GMCL1: variants seen among roughly 807,000 people sequenced by gnomAD.
The protein encoded by GMCL1 is germ cell-less 1, spermatogenesis associated.
GMCL1 carries 54 observed loss-of-function variants against 75.5 expected under a neutral mutation model. The ratio of observed to expected loss-of-function variants is 0.71; its 90% CI spans 0.57 to 0.90. The LOEUF (loss-of-function observed/expected upper bound fraction) is 0.90, where lower values mean the gene tolerates loss of function less well. Ranked by LOEUF, GMCL1 falls within the 40% of genes least tolerant of loss-of-function variation. The probability of loss-of-function intolerance (pLI) is 0.00; values close to 1 mark genes in which losing one functional copy is unlikely to be tolerated. For missense variants in GMCL1, 537 were observed against 622.7 expected (o/e 0.86, Z 1.47); for synonymous variants, 210 against 209.6 (o/e 1.00, Z -0.02).
chr2:69,862,286 AT>A (rs1675677083), intron 10 of GMCL1, among the ~76,000 whole-genome samples: 1 of 152,112 alleles, frequency 6.6e-6, no homozygotes, highest in African/African-American at 2.4e-5. Context: ...ATACTAAATA[AT>A]TTTTTTAAAT....
rs78327691 is a variant in GMCL1, at chr2:69,858,284, G to T, written c.1073-2994G>T. On this transcript the variant is annotated intron_variant, in intron 9 of 13. Transcript: ENST00000282570. ...TCTGCCTCGGTCTCCCAAAATGCTG[G>T]AATTACAGGCATGAGTCACTGTACC... 3.2e-3 allele frequency among the ~76,000 whole-genome samples: 484 copies of T among 152,256 alleles called. 19 individuals are homozygous for T. The East Asian group carries it at 0.074, about 23-fold the overall frequency.
At chr2:69,878,753 T>G (rs908637692) in intron 13 of GMCL1, among the ~76,000 whole-genome samples, 156 bp from the exon 14 acceptor site, 7 of 152,188 alleles carry the variant, frequency 4.6e-5, no homozygotes, top group African/African-American at 1.7e-4. Context: ...AAGCTGCATT[T>G]GACAAGGTCA....
chr2:69,851,436 C>G (rs1480699939), intron 8 of GMCL1, among the ~76,000 whole-genome samples: 1 of 152,102 alleles, frequency 6.6e-6, no homozygotes, highest in African/African-American at 2.4e-5. Context: ...ATGGTGAAAC[C>G]CTGTCTCTAC....
chr2:69,872,649 G>T (rs1197574910), intron 13 of GMCL1, among the ~76,000 whole-genome samples: 3 of 152,136 alleles, frequency 2.0e-5, no homozygotes, highest in Non-Finnish European at 2.9e-5. Flanking sequence ...TACAGAGGGG[G>T]TCATCCACCC....
At chr2:69,877,708 G>T (rs916949636) in intron 13 of GMCL1, among the ~76,000 whole-genome samples, 6 of 18,838 alleles carry the variant, frequency 3.2e-4, no homozygotes, top group Non-Finnish European at 1.2e-3. Context: ...TTGTGTGTTT[G>T]TGTGTGTGTG....
chr2:69,856,668 T>G (rs894296696), intron 9 of GMCL1, among the ~76,000 whole-genome samples: 5 of 109,878 alleles, frequency 4.6e-5, no homozygotes, highest in African/African-American at 1.7e-4. Context: ...TTTTTTTTTT[T>G]AACTTCCAGA....
At chr2:69,855,396 T>TGA (rs1675441904) in intron 9 of GMCL1, among the ~76,000 whole-genome samples, 1 of 151,940 alleles carries the variant, frequency 6.6e-6, no homozygotes, top group African/African-American at 2.4e-5. Context: ...TAATTATAAT[T>TGA]TAAATTTTTT....
At chr2:69,866,332 C>T (rs1465494893) in intron 11 of GMCL1, among the ~76,000 whole-genome samples, 1 of 151,240 alleles carries the variant, frequency 6.6e-6, no homozygotes, top group East Asian at 1.9e-4. Context: ...TTTAAATATT[C>T]CCCCCTAACT....
At chr2:69,844,100 A>G (rs774139456) in intron 5 of GMCL1, 31 bp from the exon 6 acceptor site, 14 of 1,083,606 alleles carry the variant, frequency 1.3e-5, no homozygotes, top group Non-Finnish European at 1.9e-5. Flanking sequence ...TACATGGCAT[A>G]TAATGTAATA....
intron 3 of GMCL1, 106 bp downstream of exon 3, chr2:69,839,659 CT>C: frequency 3.0e-6 from 2 of 656,742 alleles, no homozygotes; most frequent in Non-Finnish European, 5.4e-6. Flanking sequence ...TAGAAAACTC[CT>C]TTTATCACCT....
intron 13 of GMCL1, chr2:69,873,502 C>T (rs1361630591): frequency 6.6e-6 from 1 of 151,804 alleles, no homozygotes; most frequent in Non-Finnish European, 1.5e-5. Context: ...ATTTTGTAAC[C>T]TGCTTTTTTT....
At chr2:69,865,196 A>G (rs1190070386) in intron 11 of GMCL1, among the ~76,000 whole-genome samples, 1 of 152,218 alleles carries the variant, frequency 6.6e-6, no homozygotes, top group Admixed American at 6.5e-5. Flanking sequence ...TTTTGAGTTC[A>G]GATAAGACAT....
At chr2:69,839,652 A>G (rs542569945) in intron 3 of GMCL1, 99 bp downstream of exon 3, 8 of 754,868 alleles carry the variant, frequency 1.1e-5, no homozygotes, top group African/African-American at 1.7e-5. Context: ...TGTAGTCTAG[A>G]AAACTCCTTT....
intron 9 of GMCL1, among the ~76,000 whole-genome samples, chr2:69,860,330 A>G (rs1009296274): frequency 6.6e-6 from 1 of 152,158 alleles, no homozygotes. Flanking sequence ...AAAATAGCTA[A>G]TGTTTCCACT....
intron 9 of GMCL1, among the ~76,000 whole-genome samples, chr2:69,859,848 A>T (rs1558546735): frequency 6.6e-6 from 1 of 151,880 alleles, no homozygotes; most frequent in East Asian, 1.9e-4. Context: ...GGAAGTGACA[A>T]TCCAGATTTT....
In GMCL1 at chr2:69,861,355, T is replaced by C. The variant is rs1558547533; in HGVS notation, c.1142+8T>C. 1.3e-6 allele frequency: 2 copies of C among 1,540,232 alleles called. No individual in the cohort carries two copies. ...ACAGGACAGTGAGGTGGGGTAAGTA[T>C]ATTATACCTTATCATTTTTCATTAA... On this transcript the variant is annotated splice_region_variant and intron_variant, in intron 10 of 13. Transcript: ENST00000282570.
At chr2:69,841,160 T>C in intron 4 of GMCL1, 121 bp downstream of exon 4, 1 of 632,336 alleles carries the variant, frequency 1.6e-6, no homozygotes, top group African/African-American at 1.8e-5. Flanking sequence ...ATGAAATGTA[T>C]AAATATGACA....
Position 69,861,352 on chromosome 2 carries a change from G to A in GMCL1, c.1142+5G>A, listed in dbSNP as rs1469852750. ...AGAACAGGACAGTGAGGTGGGGTAAGTATATTATACCTTATCATTTTTCAT... is the reference window on the plus strand; with the variant it reads ...AGAACAGGACAGTGAGGTGGGGTAAATATATTATACCTTATCATTTTTCAT... On this transcript the variant is annotated splice_donor_5th_base_variant and intron_variant, in intron 10 of 13. Transcript: ENST00000282570. 6.3e-7 allele frequency: 1 copy of A among 1,585,272 alleles called. No homozygotes were observed. The highest frequency in any genetic ancestry group is 8.6e-7 in the Non-Finnish European group (1 of 1,157,126).
At chr2:69,866,234 G>A (rs552181863) in intron 11 of GMCL1, among the ~76,000 whole-genome samples, 76 of 141,696 alleles carry the variant, frequency 5.4e-4, no homozygotes, top group Non-Finnish European at 7.5e-4. Context: ...GTGACAGAGC[G>A]AGTCTCCATC....
Sources: gnomAD v4.1 joint callset for allele counts (sites outside exome capture counted in the v4.1 genomes callset) on GRCh38, gnomAD v4.1.1 for gene constraint, MANE v1.5 for transcripts, NCBI Gene and HGNC (gene_info 2026-07-23, HGNC 2026-07-21) for gene names.